The following PLEKHA4 variants were observed in gnomAD, a reference collection of about 807,000 sequenced individuals.
The protein encoded by PLEKHA4 is pleckstrin homology domain containing A4.
A neutral mutation model predicts 94.7 loss-of-function variants in PLEKHA4; 73 were observed. The observed-to-expected ratio is 0.77, with a 90% confidence interval of 0.64 to 0.94. The LOEUF (loss-of-function observed/expected upper bound fraction) is 0.94, where lower values mean the gene tolerates loss of function less well. Ranked by LOEUF, PLEKHA4 falls within the 40% of genes least tolerant of loss-of-function variation. The pLI is 0.00. For missense variants in PLEKHA4, 1,049 were observed against 1,054.1 expected, an observed-to-expected ratio of 1.00 and a Z score of 0.07; for synonymous variants, 449 against 437.1, an observed-to-expected ratio of 1.03 and a Z score of -0.34.
rs56663437 is a variant in PLEKHA4, at chr19:48,858,627, C to CAAAAAA, written c.972+227_972+232dup. On this transcript the variant is annotated intron_variant, in intron 8 of 19. Coordinates refer to ENST00000263265, the MANE Select transcript of PLEKHA4 (RefSeq NM_020904.3). ...TGGCGACAGAGCAAGACCTCAGTCTCAAAAAAAAAAAAAAAAAGCAATGGC... is the reference window on the plus strand; with the variant it reads ...TGGCGACAGAGCAAGACCTCAGTCTCAAAAAAAAAAAAAAAAAAAAAAAGCAATGGC... Among the ~76,000 whole-genome samples the CAAAAAA allele has an allele frequency of 3.2e-4, 20 of 63,448 alleles. 2 individuals carry two copies. The highest frequency in any genetic ancestry group is 1.3e-3 in the African/African-American group (12 of 9,248). 41.6% of individuals were successfully genotyped at this position (63,448 alleles called of 152,430 possible). A position where few individuals can be genotyped will look rare whatever the true frequency, so the allele number is the denominator to read the frequency against.
chr19:48,854,740 C>T (rs1286514080), intron 9 of PLEKHA4, among the ~76,000 whole-genome samples: 1 of 140,326 alleles, frequency 7.1e-6, no homozygotes, highest in East Asian at 2.2e-4. Flanking sequence ...AGGTCTGTCA[C>T]CCAGGCTGGG....
chr19:48,850,436 G>A (rs763386452), intron 13 of PLEKHA4, among the ~76,000 whole-genome samples: 2 of 150,962 alleles, frequency 1.3e-5, no homozygotes, highest in African/African-American at 2.4e-5. Flanking sequence ...CCTGGGAGGT[G>A]GAGGTTGCAG....
intron 17 of PLEKHA4, 108 bp downstream of exon 17, chr19:48,841,041 T>A: frequency 1.7e-6 from 2 of 1,155,174 alleles, no homozygotes; most frequent in African/African-American, 1.6e-5. Context: ...GAAATCCAGT[T>A]TGGAGGAAGG....
rs370888432 is a variant in PLEKHA4 at position 48,861,684 on chromosome 19, C to T, written c.201G>A (p.Ser67=). Residue 67 remains serine (S), a synonymous_variant, in exon 4 of 20, where the codon TCG becomes TCA. Coordinates refer to ENST00000263265, the MANE Select transcript of PLEKHA4 (RefSeq NM_020904.3). ...IRGWLHKQDS[S]GLRLWKRRWF... ...AGCGGCGTTTCCAGAGACGGAGCCC[C>T]GAGCTGTCCTGGGGAGAGAGATGGG... The T allele has an allele frequency of 7.4e-6, 12 of 1,613,724 alleles. No individual in the cohort carries two copies. The highest frequency in any genetic ancestry group is 4.5e-5 in the East Asian group (2 of 44,886).
chr19:48,866,392 T>C (rs2036836471), intron 2 of PLEKHA4, among the ~76,000 whole-genome samples: 1 of 152,062 alleles, frequency 6.6e-6, no homozygotes, highest in Non-Finnish European at 1.5e-5. Flanking sequence ...CTGCAACCCC[T>C]GCCTCTCGGG....
At chr19:48,863,650 G>A (rs2036730604) in intron 3 of PLEKHA4, among the ~76,000 whole-genome samples, 1 of 151,450 alleles carries the variant, frequency 6.6e-6, no homozygotes, top group Non-Finnish European at 1.5e-5. Flanking sequence ...GTGTTAGCCA[G>A]GATGGTCTCG....
At position 48,859,017 on chromosome 19, in the gene PLEKHA4, G is replaced by A; in HGVS notation, c.815C>T (p.Pro272Leu). 6.4e-7 allele frequency: 1 copy of A among 1,572,308 alleles called. No homozygotes were observed. Among genetic ancestry groups the A allele is most frequent in the Non-Finnish European group, 8.6e-7 (1 of 1,164,824 alleles). The change falls in exon 8 of 20, where the codon CCG (proline) becomes CTG (leucine). Residue 272 changes from proline to leucine, a missense_variant. Transcript: ENST00000263265. ...DTAPPARPHT[P>L]LSRIDVRPPL... Reference sequence around the variant, plus strand: ...AGGTCGGACATCAATGCGACTCAACGGGGTGTGAGGTCGGGCAGGGGGTGC... The same window carrying A: ...AGGTCGGACATCAATGCGACTCAACAGGGTGTGAGGTCGGGCAGGGGGTGC...
chr19:48,854,144 C>A (rs1184944567), intron 10 of PLEKHA4, 57 bp from the exon 11 acceptor site: 3 of 1,612,604 alleles, frequency 1.9e-6, no homozygotes, highest in Non-Finnish European at 2.5e-6. Flanking sequence ...TCCCCTGCCG[C>A]TCCTCCCATC....
chr19:48,840,369 C>T lies in PLEKHA4; in HGVS notation c.1905+780G>A, dbSNP rs559373510. ...GGTGGAGGTTGCAGTGAGTGGAGATCGCACCACTGCACTCTAGCCTGGGCG... is the reference window on the plus strand; with the variant it reads ...GGTGGAGGTTGCAGTGAGTGGAGATTGCACCACTGCACTCTAGCCTGGGCG... On this transcript the variant is annotated intron_variant, in intron 17 of 19. Transcript: ENST00000263265. 1.4e-4 allele frequency among the ~76,000 whole-genome samples: 21 copies of T among 150,198 alleles called. No individual in the cohort carries two copies. In the South Asian group the frequency reaches 2.5e-3, roughly 18 times the overall value.
chr19:48,845,591 C>T lies in PLEKHA4; in HGVS notation c.1592G>A (p.Ser531Asn), dbSNP rs986719636. ...GTCAGTCTCGGGGGACCTAGGGGAG[C>T]TCAGTTCCAAGGACTCTGGCAGGCT... is the stretch of plus-strand genomic sequence containing the variant. ...RESLPESLEL[S>N]SPRSPETDWG... Residue 531 changes from serine to asparagine, a missense_variant, in exon 15 of 20, where the codon AGC (serine) becomes AAC (asparagine). Ser to Asn is a conservative substitution (Grantham distance 46). Coordinates refer to ENST00000263265, the MANE Select transcript of PLEKHA4 (RefSeq NM_020904.3). 1.9e-6 allele frequency: 3 copies of T among 1,601,684 alleles called. No individual in the cohort carries two copies. The highest frequency in any genetic ancestry group is 2.7e-5 in the African/African-American group (2 of 74,098).
intron 18 of PLEKHA4, chr19:48,838,380 C>T: frequency 4.1e-6 from 1 of 244,870 alleles, no homozygotes. Context: ...GCTTATTTCA[C>T]ATTGCCTGCC....
intron 3 of PLEKHA4, among the ~76,000 whole-genome samples, chr19:48,862,639 G>C (rs1014944989): frequency 6.6e-6 from 1 of 152,110 alleles, no homozygotes; most frequent in African/African-American, 2.4e-5. Context: ...CTCCCGAGTA[G>C]CTGGGACTAC....
rs376412274 is a variant in PLEKHA4 at position 48,865,360 on chromosome 19, C to T, written c.192+143G>A. 2.3e-4 allele frequency: 136 copies of T among 602,504 alleles called. 6 individuals are homozygous for T. In the South Asian group the frequency reaches 2.8e-3, roughly 12 times the overall value. The allele number at this position is 602,504 out of a possible 1,614,324, so 37.3% of individuals were successfully genotyped here. ...TCTGTCTTAAAAATAAATAAATAAA[C>T]AAACAAACAAACAATGACGGACTAA... On this transcript the variant is annotated intron_variant, in intron 3 of 19. Coordinates refer to ENST00000263265, the MANE Select transcript of PLEKHA4 (RefSeq NM_020904.3).
At position 48,860,378 on chromosome 19, in the gene PLEKHA4, G is replaced by C. The variant is rs745816086; in HGVS notation, c.448C>G (p.Arg150Gly). Residue 150 changes from arginine (R) to glycine (G), a missense_variant, in exon 6 of 20, where the codon CGG becomes GGG. By Grantham distance (125) the Arg-to-Gly change is moderately radical (BLOSUM62 -2). Coordinates refer to ENST00000263265, the MANE Select transcript of PLEKHA4 (RefSeq NM_020904.3). ...DLRGWLRALG[R>G]ASRAEGDDYG... The stretch of plus-strand genomic sequence containing the variant: ...TCGTCCCCCTCCGCACGGGAGGCCC[G>C]GCCCAGCGCCCGTAGCCAGCCCCGC... 3.1e-6 allele frequency: 5 copies of C among 1,613,996 alleles called. No individual in the cohort carries two copies. Among genetic ancestry groups the C allele is most frequent in the Non-Finnish European group, 4.2e-6 (5 of 1,180,014 alleles).
rs1437716831 is a variant in PLEKHA4, at chr19:48,837,351, C to A, written c.2278G>T (p.Val760Phe). ...PAWDAGIAPPVLPQDEGAWPL... is the reference protein window; with the variant it reads ...PAWDAGIAPPFLPQDEGAWPL... The stretch of plus-strand genomic sequence containing the variant: ...CATGCCCCCTCGTCTTGTGGCAGGA[C>A]CGGAGGGGCGATCCCGGCATCCCAC... Residue 760 changes from valine to phenylalanine, a missense_variant, in exon 20 of 20, where the codon GTC (valine) becomes TTC (phenylalanine). Coordinates refer to ENST00000263265, the MANE Select transcript of PLEKHA4 (RefSeq NM_020904.3). The surrounding 1 kb of genome is among the most constrained non-coding windows in gnomAD (Gnocchi z 4.3). 27 of 1,613,638 alleles carry A rather than the reference C, an allele frequency of 1.7e-5. No individual in the cohort carries two copies. Among genetic ancestry groups the A allele is most frequent in the African/African-American group, 4.0e-5 (3 of 74,926 alleles).
intron 9 of PLEKHA4, 124 bp downstream of exon 9, chr19:48,857,298 C>G (rs970872188): frequency 3.5e-6 from 2 of 566,938 alleles, no homozygotes; most frequent in African/African-American, 2.0e-5. Context: ...AATCTAATAC[C>G]TACCCAGGGT....
Position 48,867,544 on chromosome 19 carries a change from C to T in PLEKHA4, c.77G>A (p.Ser26Asn), listed in dbSNP as rs2036875187. Residue 26 changes from serine (S) to asparagine (N), a missense_variant, in exon 2 of 20, where the codon AGC becomes AAC. Physicochemically the swap from Ser to Asn is conservative, Grantham distance 46. Coordinates refer to ENST00000263265, the MANE Select transcript of PLEKHA4 (RefSeq NM_020904.3). The surrounding 1 kb of genome is among the most constrained non-coding windows in gnomAD (Gnocchi z 4.7). The stretch of plus-strand genomic sequence containing the variant: ...CCGCCAGGAAGCTCAAACCTTGGGG[C>T]TCAGGCTGCTGAGCGAGGAGATGGT... The part of the protein sequence containing the change: ...ASTISSLSSL[S>N]PKKPTRAVNK... 5 of 1,596,658 alleles carry T rather than the reference C, an allele frequency of 3.1e-6. No homozygotes were observed. Among genetic ancestry groups the T allele is most frequent in the African/African-American group, 1.3e-5 (1 of 74,796 alleles).
chr19:48,861,536 G>A (rs374409959), intron 4 of PLEKHA4, 35 bp from the exon 5 acceptor site: 149 of 1,612,596 alleles, frequency 9.2e-5, no homozygotes, highest in Non-Finnish European at 1.2e-4. Flanking sequence ...GATCACACAG[G>A]GATCAGAAGG....
At chr19:48,856,824 G>A (rs1179229272) in intron 9 of PLEKHA4, among the ~76,000 whole-genome samples, 2 of 147,624 alleles carry the variant, frequency 1.4e-5, no homozygotes. Context: ...GCATGAACCC[G>A]GGAGGCAGAG....
Sources: gnomAD v4.1 joint callset for allele counts (sites outside exome capture counted in the v4.1 genomes callset) on GRCh38, gnomAD v4.1.1 for gene constraint, Gnocchi (gnomAD v3.1) non-coding constraint, MANE v1.5 for transcripts, NCBI Gene and HGNC (gene_info 2026-07-23, HGNC 2026-07-21) for gene names.